PDE4B: variants seen among roughly 807,000 people sequenced by gnomAD.
PDE4B encodes 3',5'-cyclic-AMP phosphodiesterase 4B.
PDE4B carries 20 observed loss-of-function variants against 82.2 expected under a neutral mutation model. The observed-to-expected ratio is 0.24, with a 90% confidence interval of 0.17 to 0.35. PDE4B has a LOEUF of 0.35. Among genes scored for constraint, PDE4B ranks in the 10% least tolerant of loss-of-function variants. The pLI is 1.00. For synonymous variants in PDE4B, 320 were observed against 318.9 expected, an observed-to-expected ratio of 1.00 and a Z score of -0.04; for missense variants, 655 against 907.2, an observed-to-expected ratio of 0.72 and a Z score of 3.57.
intron 3 of PDE4B, among the ~76,000 whole-genome samples, chr1:66,197,359 AT>A (rs1648412422): frequency 6.6e-6 from 1 of 152,144 alleles, no homozygotes; most frequent in South Asian, 2.1e-4. Flanking sequence ...ACAGAGATAA[AT>A]CAACTCACTC....
chr1:65,900,425 C>T (rs1453463608), intron 1 of PDE4B, among the ~76,000 whole-genome samples: 1 of 151,738 alleles, frequency 6.6e-6, no homozygotes, highest in Non-Finnish European at 1.5e-5. Flanking sequence ...TTTGGGATTG[C>T]TTTCACTATC....
chr1:65,895,080 G>A lies in PDE4B; in HGVS notation c.-70-18165G>A, dbSNP rs1041221784. Among the ~76,000 whole-genome samples the A allele has an allele frequency of 2.0e-5, 3 of 152,042 alleles. No individual in the cohort carries two copies. The East Asian group carries it at 5.8e-4, about 29-fold the overall frequency. On this transcript the variant is annotated intron_variant, in intron 1 of 16. Transcript: ENST00000341517. Reference sequence around the variant, plus strand: ...CATATGTCTTTAAAAATATTGTACTGTACTTGAATGTTCATTGCAACTTTA... The same window carrying A: ...CATATGTCTTTAAAAATATTGTACTATACTTGAATGTTCATTGCAACTTTA...
At chr1:66,278,647 A>G (rs137932354) in intron 7 of PDE4B, among the ~76,000 whole-genome samples, 181 of 152,336 alleles carry the variant, frequency 1.2e-3, no homozygotes, top group African/African-American at 4.3e-3. Context: ...TCTGTGAAGT[A>G]AACACACACC....
chr1:66,229,234 C>A (rs1651731865), intron 3 of PDE4B, among the ~76,000 whole-genome samples: 1 of 151,892 alleles, frequency 6.6e-6, no homozygotes, highest in South Asian at 2.1e-4. Context: ...TGGTCTTGAT[C>A]TCCTGACCTC....
Position 65,918,847 on chromosome 1 carries a change from C to T in PDE4B, c.281+12C>T, listed in dbSNP as rs1257584665. ...GTAAGCCAGGAGTGGTGAGTAGCCT[C>T]AAAATCAAATGTCAATTCTAAATTT... is the stretch of plus-strand genomic sequence containing the variant. On this transcript the variant is annotated intron_variant, in intron 3 of 16. Coordinates refer to ENST00000341517, the MANE Select transcript of PDE4B (RefSeq NM_002600.4). The T allele has an allele frequency of 6.9e-7, 1 of 1,450,476 alleles. No homozygotes were observed. The highest frequency in any genetic ancestry group is 1.1e-5 in the South Asian group (1 of 87,770). 89.9% of individuals were successfully genotyped at this position (1,450,476 alleles called of 1,614,324 possible).
Position 66,068,349 on chromosome 1 carries a change from G to T in PDE4B, c.281+149514G>T, listed in dbSNP as rs113623832. Among the ~76,000 whole-genome samples the T allele has an allele frequency of 1.7e-3, 251 of 152,038 alleles. 1 individual carries two copies. The highest frequency in any genetic ancestry group is 5.5e-3 in the African/African-American group (227 of 41,516). ...AAAAACTTCCTTGGAGAGTTGTGTA[G>T]CAGATATTAGAATTAACCAATAGAT... On this transcript the variant is annotated intron_variant, in intron 3 of 16. Transcript: ENST00000341517.
chr1:65,802,432 C>T (rs1003039717), intron 1 of PDE4B, among the ~76,000 whole-genome samples: 2 of 152,170 alleles, frequency 1.3e-5, no homozygotes, highest in Non-Finnish European at 1.5e-5. Context: ...AAAATATTAG[C>T]TTCCTGGGAA....
rs371238586 is a variant in PDE4B at position 66,363,400 on chromosome 1, A to C, written c.1120-7A>C. On this transcript the variant is annotated splice_polypyrimidine_tract_variant and splice_region_variant and intron_variant, in intron 11 of 16. Coordinates refer to ENST00000341517, the MANE Select transcript of PDE4B (RefSeq NM_002600.4). ...TTATTTATGTTCTAATCCATTTTACAACACAGGAAAGAGACCTCCTAAAGA... is the reference window on the plus strand; with the variant it reads ...TTATTTATGTTCTAATCCATTTTACCACACAGGAAAGAGACCTCCTAAAGA... 11 of 1,607,526 alleles carry C rather than the reference A, an allele frequency of 6.8e-6. No individual in the cohort carries two copies. In the African/African-American group the frequency reaches 1.5e-4, roughly 22 times the overall value.
In PDE4B at chr1:66,373,049, C is replaced by A; in HGVS notation, c.*371C>A. The stretch of plus-strand genomic sequence containing the variant: ...TAATAACTTCATTTATGAATCTTCT[C>A]ACTTGTCCCTTTGTCTGCCAACCTG... On this transcript the variant is annotated 3_prime_UTR_variant, in exon 17 of 17. Coordinates refer to ENST00000341517, the MANE Select transcript of PDE4B (RefSeq NM_002600.4). 1 of 191,138 alleles carries A rather than the reference C, an allele frequency of 5.2e-6. No individual in the cohort carries two copies. The highest frequency in any genetic ancestry group is 1.1e-5 in the Non-Finnish European group (1 of 91,132). 11.8% of individuals were successfully genotyped at this position (191,138 alleles called of 1,614,324 possible).
chr1:66,270,312 G>A (rs1655372637), intron 7 of PDE4B, among the ~76,000 whole-genome samples: 1 of 152,204 alleles, frequency 6.6e-6, no homozygotes. Flanking sequence ...AACAGAAGAA[G>A]AGGCTTTCTC....
chr1:66,204,842 T>C (rs1649411001), intron 3 of PDE4B, among the ~76,000 whole-genome samples: 1 of 152,212 alleles, frequency 6.6e-6, no homozygotes, highest in Admixed American at 6.5e-5. Context: ...CACGGTGTGC[T>C]GCACCCACTC....
intron 3 of PDE4B, among the ~76,000 whole-genome samples, chr1:66,144,482 G>T (rs1404621592): frequency 6.6e-6 from 1 of 152,148 alleles, no homozygotes; most frequent in Non-Finnish European, 1.5e-5. Flanking sequence ...CTGCACCAAA[G>T]ATTTGGAATG....
At chr1:66,360,983 A>C (rs1343687802) in intron 9 of PDE4B, among the ~76,000 whole-genome samples, 1 of 152,220 alleles carries the variant, frequency 6.6e-6, no homozygotes, top group Non-Finnish European at 1.5e-5. Context: ...AATAAAACCA[A>C]AATTATAGTC....
intron 3 of PDE4B, among the ~76,000 whole-genome samples, chr1:66,040,777 G>T (rs1237432995): frequency 6.6e-6 from 1 of 151,910 alleles, no homozygotes; most frequent in Non-Finnish European, 1.5e-5. Context: ...TTGCAATTTG[G>T]TATCAGGTTT....
chr1:65,927,453 A>G (rs1280869438), intron 3 of PDE4B, among the ~76,000 whole-genome samples: 2 of 147,140 alleles, frequency 1.4e-5, no homozygotes, highest in African/African-American at 5.0e-5. Flanking sequence ...TATATATAAT[A>G]TGTATTATAT....
intron 1 of PDE4B, among the ~76,000 whole-genome samples, chr1:65,831,201 G>T (rs1004000385): frequency 6.6e-6 from 1 of 151,886 alleles, no homozygotes; most frequent in East Asian, 1.9e-4. Context: ...TAGAGCAGAG[G>T]TTAATGAAAC....
At chr1:66,260,171 A>C (rs1235886470) in intron 6 of PDE4B, among the ~76,000 whole-genome samples, 7 of 152,188 alleles carry the variant, frequency 4.6e-5, no homozygotes, top group Non-Finnish European at 7.3e-5. Context: ...GTATTGAACA[A>C]ATAAAGGTAT....
At chr1:66,073,581 G>A (rs1489414633) in intron 3 of PDE4B, among the ~76,000 whole-genome samples, 1 of 151,840 alleles carries the variant, frequency 6.6e-6, no homozygotes, top group African/African-American at 2.4e-5. Flanking sequence ...TTGGCATGTG[G>A]TGATGCAACT....
chr1:66,068,343 T>A (rs1383931135), intron 3 of PDE4B, among the ~76,000 whole-genome samples: 1 of 151,944 alleles, frequency 6.6e-6, no homozygotes, highest in Non-Finnish European at 1.5e-5. Flanking sequence ...CTTGGAGAGT[T>A]GTGTAGCAGA....
Sources: allele counts gnomAD v4.1 joint callset (sites outside exome capture counted in the v4.1 genomes callset), GRCh38; gene constraint gnomAD v4.1.1; transcripts MANE v1.5; gene names NCBI Gene and HGNC (gene_info 2026-07-23, HGNC 2026-07-21).